The following LRRTM4 variants were observed in gnomAD, a reference collection of about 807,000 sequenced individuals.
LRRTM4 encodes leucine-rich repeat transmembrane neuronal protein 4.
LRRTM4 carries 25 observed loss-of-function variants against 47.6 expected under a neutral mutation model. That is an observed-to-expected ratio of 0.53 (90% CI 0.38 to 0.73). LRRTM4 has a LOEUF of 0.73. LRRTM4 is among the 30% of genes least tolerant of loss of function. The probability of loss-of-function intolerance (pLI) is 0.00; values close to 1 mark genes in which losing one functional copy is unlikely to be tolerated. For missense variants in LRRTM4, 638 were observed against 713.4 expected (o/e 0.89, Z 1.20); for synonymous variants, 311 against 269.5 (o/e 1.15, Z -1.51).
At chr2:76,812,762 C>T (rs1378806826) in intron 3 of LRRTM4, among the ~76,000 whole-genome samples, 3 of 119,850 alleles carry the variant, frequency 2.5e-5, no homozygotes, top group Non-Finnish European at 3.4e-5. Context: ...TCCTTCTCCT[C>T]CTCCTCTCCC....
intron 3 of LRRTM4, among the ~76,000 whole-genome samples, chr2:77,260,638 CA>C (rs1675895615): frequency 6.6e-6 from 1 of 152,024 alleles, no homozygotes; most frequent in Non-Finnish European, 1.5e-5. Context: ...TTTGCACCAG[CA>C]TGCAACAGCT....
rs1671136097 is a variant in LRRTM4 at position 77,107,743 on chromosome 2, G to A, written c.1552-358827C>T. Among the ~76,000 whole-genome samples the A allele has an allele frequency of 4.6e-5, 7 of 150,902 alleles. 1 individual carries two copies. The highest frequency in any genetic ancestry group is 6.8e-3 in the Middle Eastern group (2 of 292). Reference sequence around the variant, plus strand: ...TGAGGCAGGAGAATTGCTTGAACCCGGGAGGCAGAGTTTGCAGTGAGCCAA... The same window carrying A: ...TGAGGCAGGAGAATTGCTTGAACCCAGGAGGCAGAGTTTGCAGTGAGCCAA... On this transcript the variant is annotated intron_variant, in intron 3 of 3. Coordinates refer to ENST00000409884, the MANE Select transcript of LRRTM4 (RefSeq NM_001134745.3).
chr2:77,349,266 T>C (rs915448381), intron 3 of LRRTM4, among the ~76,000 whole-genome samples: 42 of 151,990 alleles, frequency 2.8e-4, no homozygotes, highest in African/African-American at 9.7e-4. Flanking sequence ...CTCATCTCTA[T>C]TCTGGCAGTA....
At chr2:77,088,504 C>G (rs1396832240) in intron 3 of LRRTM4, among the ~76,000 whole-genome samples, 4 of 152,258 alleles carry the variant, frequency 2.6e-5, no homozygotes, top group South Asian at 2.1e-4. Context: ...GAACAAACCC[C>G]CTTTGACTGT....
Position 77,192,887 on chromosome 2 carries a change from G to A in LRRTM4, c.1551+325431C>T, listed in dbSNP as rs756356108. Reference sequence around the variant, plus strand: ...AGCACAGTAGCACAAACTATAAGCCGTGCATGGAAAAGAGAAGTCTTCTGA... The same window carrying A: ...AGCACAGTAGCACAAACTATAAGCCATGCATGGAAAAGAGAAGTCTTCTGA... On this transcript the variant is annotated intron_variant, in intron 3 of 3. Transcript: ENST00000409884. Among the ~76,000 whole-genome samples the A allele has an allele frequency of 8.5e-5, 13 of 152,240 alleles. No homozygotes were observed. The South Asian group carries it at 1.0e-3, about 12-fold the overall frequency.
rs574480578 is a variant in LRRTM4 at position 76,810,604 on chromosome 2, C to T, written c.1552-61688G>A. Among the ~76,000 whole-genome samples, 29 of 152,196 alleles carry T rather than the reference C, an allele frequency of 1.9e-4. 2 individuals carry two copies. Among genetic ancestry groups the T allele is most frequent in the African/African-American group, 7.0e-4 (29 of 41,548 alleles). ...TAAACAAAAAATGTCTAAATATGTT[C>T]CTTTTGCCAAGAAGTCTTAAAATCT... is the stretch of plus-strand genomic sequence containing the variant. On this transcript the variant is annotated intron_variant, in intron 3 of 3. Transcript: ENST00000409884.
intron 3 of LRRTM4, among the ~76,000 whole-genome samples, chr2:77,083,578 A>G (rs1680600573): frequency 6.6e-6 from 1 of 152,106 alleles, no homozygotes; most frequent in Non-Finnish European, 1.5e-5. Flanking sequence ...CTGTGTCTGA[A>G]TATTAGATAG....
chr2:77,397,712 C>T (rs1673756860), intron 3 of LRRTM4, among the ~76,000 whole-genome samples: 1 of 151,822 alleles, frequency 6.6e-6, no homozygotes. Context: ...TAGAGTTATG[C>T]ATATGGTTTT....
chr2:76,959,693 A>G (rs1293706845), intron 3 of LRRTM4, among the ~76,000 whole-genome samples: 3 of 151,700 alleles, frequency 2.0e-5, no homozygotes. Flanking sequence ...GGCATTGGCT[A>G]CGGAATTTAA....
chr2:77,182,409 C>T (rs1045735742), intron 3 of LRRTM4, among the ~76,000 whole-genome samples: 1 of 152,056 alleles, frequency 6.6e-6, no homozygotes, highest in African/African-American at 2.4e-5. Flanking sequence ...TAACAACACA[C>T]ACTGGGGCCT....
chr2:76,807,474 A>ACG (rs1558667704), intron 3 of LRRTM4, among the ~76,000 whole-genome samples: 15 of 132,502 alleles, frequency 1.1e-4, no homozygotes, highest in Admixed American at 3.0e-4. Context: ...ATATATACAT[A>ACG]TATATATATA....
intron 3 of LRRTM4, among the ~76,000 whole-genome samples, chr2:76,874,692 C>T (rs1477812496): frequency 2.6e-5 from 4 of 151,792 alleles, no homozygotes; most frequent in African/African-American, 9.7e-5. Flanking sequence ...CAACTTGCAA[C>T]ACAATCCTAA....
intron 3 of LRRTM4, among the ~76,000 whole-genome samples, chr2:76,768,336 T>C (rs1444666874): frequency 6.6e-6 from 1 of 152,182 alleles, no homozygotes; most frequent in East Asian, 1.9e-4. Flanking sequence ...ATCAAAAGCT[T>C]AGTCTGGCCA....
At chr2:77,081,811 A>C (rs72807233) in intron 3 of LRRTM4, among the ~76,000 whole-genome samples, 1 of 152,294 alleles carries the variant, frequency 6.6e-6, no homozygotes, top group Non-Finnish European at 1.5e-5. Context: ...TGAGTCAACT[A>C]AATATCCTTT....
intron 3 of LRRTM4, among the ~76,000 whole-genome samples, chr2:77,049,137 T>TAC (rs1679338132): frequency 8.3e-6 from 1 of 120,342 alleles, no homozygotes; most frequent in Admixed American, 7.9e-5. Flanking sequence ...TATATATATA[T>TAC]ATATATATAT....
At chr2:77,474,267 T>C (rs1192856179) in intron 3 of LRRTM4, among the ~76,000 whole-genome samples, 3 of 152,084 alleles carry the variant, frequency 2.0e-5, no homozygotes, top group Admixed American at 6.6e-5. Context: ...TAATGGCTGA[T>C]AGAAAAAAAC....
intron 3 of LRRTM4, among the ~76,000 whole-genome samples, chr2:77,113,456 C>G (rs528310053): frequency 6.6e-6 from 1 of 152,138 alleles, no homozygotes; most frequent in African/African-American, 2.4e-5. Context: ...GAGGTTCTAG[C>G]GTGACCGGAC....
chr2:77,016,457 T>C (rs1028807191), intron 3 of LRRTM4, among the ~76,000 whole-genome samples: 1 of 150,494 alleles, frequency 6.6e-6, no homozygotes, highest in African/African-American at 2.4e-5. Context: ...TAGAAACAAA[T>C]ATTTCAGATT....
At chr2:77,518,007 T>G in intron 3 of LRRTM4, 2 of 1,078,322 alleles carry the variant, frequency 1.9e-6, no homozygotes, top group Non-Finnish European at 2.2e-6. Flanking sequence ...TGAAAAGAGT[T>G]TTGTTTGTAT....
Sources: gnomAD v4.1 joint callset for allele counts (sites outside exome capture counted in the v4.1 genomes callset) on GRCh38, gnomAD v4.1.1 for gene constraint, MANE v1.5 for transcripts, NCBI Gene and HGNC (gene_info 2026-07-23, HGNC 2026-07-21) for gene names.